The following PDGFRL variants were observed in gnomAD, a reference collection of about 807,000 sequenced individuals.
PDGFRL encodes the protein platelet derived growth factor receptor like.
A neutral mutation model predicts 37.2 loss-of-function variants in PDGFRL; 46 were observed. That is an observed-to-expected ratio of 1.24 (90% CI 0.98 to 1.58). PDGFRL has a LOEUF of 1.58. PDGFRL is among the 40% of genes most tolerant of loss of function. The probability of loss-of-function intolerance (pLI) is 0.00; values close to 1 mark genes in which losing one functional copy is unlikely to be tolerated. For missense variants in PDGFRL, 692 were observed against 467.6 expected, an observed-to-expected ratio of 1.48 and a Z score of -4.43; for synonymous variants, 251 against 184.3, an observed-to-expected ratio of 1.36 and a Z score of -2.93.
intron 5 of PDGFRL, among the ~76,000 whole-genome samples, chr8:17,641,091 G>A (rs757273355): frequency 5.3e-5 from 8 of 152,128 alleles, no homozygotes; most frequent in African/African-American, 1.2e-4. Context: ...CAGCTCCCAC[G>A]TAGCCCAAAG....
At chr8:17,638,323 GT>G (rs1427786518) in intron 5 of PDGFRL, among the ~76,000 whole-genome samples, 7 of 152,064 alleles carry the variant, frequency 4.6e-5, no homozygotes, top group African/African-American at 1.4e-4. Context: ...TCAGGAGCAG[GT>G]TATTTAATTT....
chr8:17,616,465 T>G (rs1804530879), intron 2 of PDGFRL, among the ~76,000 whole-genome samples: 1 of 151,234 alleles, frequency 6.6e-6, no homozygotes, highest in Admixed American at 6.6e-5. Context: ...AATGCTGGGA[T>G]TACAGGCATG....
At chr8:17,594,282 C>A (rs13248855) in intron 2 of PDGFRL, among the ~76,000 whole-genome samples, 1 of 152,078 alleles carries the variant, frequency 6.6e-6, no homozygotes, top group Admixed American at 6.6e-5. Context: ...GCTCTGTCAC[C>A]CAGGCTGGAG....
chr8:17,590,216 CAGAG>C (rs1365471976), intron 2 of PDGFRL, among the ~76,000 whole-genome samples: 18 of 39,654 alleles, frequency 4.5e-4, no homozygotes, highest in Non-Finnish European at 3.3e-4. Flanking sequence ...GCCTGGGTGA[CAGAG>C]AGCGAGACTC....
chr8:17,593,448 T>A (rs1585304263), intron 2 of PDGFRL, among the ~76,000 whole-genome samples: 2 of 123,772 alleles, frequency 1.6e-5, no homozygotes, highest in African/African-American at 5.7e-5. Flanking sequence ...AAAAAAAAAA[T>A]TTAACCTGGC....
intron 5 of PDGFRL, 145 bp from the exon 6 acceptor site, chr8:17,642,468 A>G (rs1805151659): frequency 1.6e-6 from 1 of 619,426 alleles, no homozygotes; most frequent in Non-Finnish European, 2.9e-6. Flanking sequence ...AAGCTTCCAC[A>G]GCTTATGAGC....
intron 2 of PDGFRL, among the ~76,000 whole-genome samples, chr8:17,617,277 T>A (rs1585322463): frequency 6.6e-6 from 1 of 152,312 alleles, no homozygotes; most frequent in African/African-American, 2.4e-5. Context: ...TGTTCAGAGC[T>A]GCTTCCTGTT....
At chr8:17,604,249 A>G (rs1585312277) in intron 2 of PDGFRL, among the ~76,000 whole-genome samples, 1 of 152,182 alleles carries the variant, frequency 6.6e-6, no homozygotes, top group Non-Finnish European at 1.5e-5. Flanking sequence ...ATACCCAAAG[A>G]GTTATAAATC....
intron 2 of PDGFRL, among the ~76,000 whole-genome samples, chr8:17,604,598 T>C (rs139460983): frequency 0.02 from 2,982 of 150,776 alleles, 74 homozygotes; most frequent in African/African-American, 0.05. Flanking sequence ...GGTGGGGGGA[T>C]GGGAGAGGGA....
At chr8:17,589,366 A>G (rs1367169196) in intron 1 of PDGFRL, 102 bp from the exon 2 acceptor site, 1 of 831,290 alleles carries the variant, frequency 1.2e-6, no homozygotes, top group Non-Finnish European at 1.9e-6. Flanking sequence ...AACCTGGGCA[A>G]TAGAGTAAGA....
intron 1 of PDGFRL, among the ~76,000 whole-genome samples, chr8:17,580,901 C>T (rs186545004): frequency 1.3e-5 from 2 of 152,116 alleles, no homozygotes; most frequent in African/African-American, 4.8e-5. Context: ...CAATCTCTGC[C>T]TCTGTTGCCA....
chr8:17,626,416 C>T (rs577481900), intron 3 of PDGFRL, among the ~76,000 whole-genome samples: 3 of 152,266 alleles, frequency 2.0e-5, no homozygotes, highest in South Asian at 2.1e-4. Context: ...ACTCTTCCCT[C>T]GTCTTAGAGT....
chr8:17,584,228 T>G (rs1190250143), intron 1 of PDGFRL, among the ~76,000 whole-genome samples: 1 of 152,170 alleles, frequency 6.6e-6, no homozygotes, highest in Non-Finnish European at 1.5e-5. Context: ...AATTGTCATT[T>G]GCTGATAAAG....
chr8:17,614,789 A>G (rs1391793983), intron 2 of PDGFRL, among the ~76,000 whole-genome samples: 2 of 152,098 alleles, frequency 1.3e-5, no homozygotes, highest in African/African-American at 4.8e-5. Flanking sequence ...TTTTTCCAAC[A>G]GAGGCAGCAC....
chr8:17,578,205 C>A (rs996366311), intron 1 of PDGFRL, among the ~76,000 whole-genome samples: 1 of 152,154 alleles, frequency 6.6e-6, no homozygotes, highest in African/African-American at 2.4e-5. Flanking sequence ...TCTTGAAATT[C>A]CTGGGCTACA....
In PDGFRL at chr8:17,642,752, A is replaced by G; in HGVS notation, c.1079A>G (p.Gln360Arg). The change falls in exon 6 of 6, where the codon CAG becomes CGG. Residue 360 changes from glutamine to arginine, a missense_variant. By Grantham distance (43) the Gln-to-Arg change is conservative. Transcript: ENST00000251630. ...GCAGGATATTACATTTGCACTGCTCAGAATCTTCAAGGACAGACCACAGTA... is the reference window on the plus strand; with the variant it reads ...GCAGGATATTACATTTGCACTGCTCGGAATCTTCAAGGACAGACCACAGTA... ...IDAGYYICTAQNLQGQTTVAT... is the reference protein window; with the variant it reads ...IDAGYYICTARNLQGQTTVAT... 6.2e-7 allele frequency: 1 copy of G among 1,611,178 alleles called. No homozygotes were observed. The highest frequency in any genetic ancestry group is 8.5e-7 in the Non-Finnish European group (1 of 1,177,238).
intron 2 of PDGFRL, among the ~76,000 whole-genome samples, chr8:17,606,258 T>C (rs971427518): frequency 6.6e-6 from 1 of 152,174 alleles, no homozygotes; most frequent in African/African-American, 2.4e-5. Context: ...TTTAAGGAGA[T>C]AGTTCAGTAC....
chr8:17,595,222 C>G (rs567837639), intron 2 of PDGFRL, among the ~76,000 whole-genome samples: 1 of 152,282 alleles, frequency 6.6e-6, no homozygotes, highest in South Asian at 2.1e-4. Flanking sequence ...CTCACCTGCT[C>G]CCAAATGCCA....
At chr8:17,578,358 C>CA (rs914947631) in intron 1 of PDGFRL, among the ~76,000 whole-genome samples, 1 of 152,004 alleles carries the variant, frequency 6.6e-6, no homozygotes, top group Non-Finnish European at 1.5e-5. Flanking sequence ...CTACATTTGC[C>CA]AAAAAAATAC....
Sources: allele counts gnomAD v4.1 joint callset (sites outside exome capture counted in the v4.1 genomes callset), GRCh38; gene constraint gnomAD v4.1.1; transcripts MANE v1.5; gene names NCBI Gene and HGNC (gene_info 2026-07-23, HGNC 2026-07-21).